ABCC3: variants seen among roughly 807,000 people sequenced by gnomAD.
ABCC3 encodes ATP binding cassette subfamily C member 3, also known as ATP-binding cassette sub-family C member 3.
In ABCC3, 121 loss-of-function variants were observed where a neutral mutation model predicts 165.3. The observed-to-expected ratio is 0.73, with a 90% CI of 0.63 to 0.85. ABCC3 has a LOEUF of 0.85. ABCC3 is among the 40% of genes least tolerant of loss of function. ABCC3 has a pLI of 0.00. For synonymous variants in ABCC3, 733 were observed against 810.1 expected (o/e 0.90, Z 1.62); for missense variants, 1,869 against 1,964.1 (o/e 0.95, Z 0.92).
intron 17 of ABCC3, among the ~76,000 whole-genome samples, chr17:50,672,541 C>T (rs1433278763): frequency 6.6e-6 from 1 of 152,122 alleles, no homozygotes; most frequent in Non-Finnish European, 1.5e-5. Flanking sequence ...ACAGACTAGG[C>T]CCCATGTGAA....
In ABCC3 at chr17:50,658,160, T is replaced by C. The variant is rs1967297104; in HGVS notation, c.565T>C (p.Cys189Arg). The C allele has an allele frequency of 6.2e-7, 1 of 1,614,198 alleles. No individual in the cohort carries two copies. Among genetic ancestry groups the C allele is most frequent in the South Asian group, 1.1e-5 (1 of 91,086 alleles). The change falls in exon 5 of 31, where the codon TGC (cysteine) becomes CGC (arginine). Residue 189 changes from cysteine (C) to arginine (R), a missense_variant. Cys to Arg is a radical substitution (Grantham distance 180, BLOSUM62 -3). Coordinates refer to ENST00000285238, the MANE Select transcript of ABCC3 (RefSeq NM_003786.4). Reference protein sequence around the residue: ...ALVLSALILACFREKPPFFSA... With the variant: ...ALVLSALILARFREKPPFFSA... ...GGTACTCTCTGCCCTCATCTTGGCC[T>C]GCTTCAGGGAGAAACCTCCATTTTT...
intron 1 of ABCC3, among the ~76,000 whole-genome samples, chr17:50,648,041 A>AG (rs1194110656): frequency 6.6e-6 from 1 of 151,322 alleles, no homozygotes; most frequent in Non-Finnish European, 1.5e-5. Flanking sequence ...TCTGCCCAAA[A>AG]GAAAAAAAAA....
At position 50,675,377 on chromosome 17, in the gene ABCC3, A is replaced by T. The variant is rs750456363; in HGVS notation, c.2615A>T (p.Glu872Val). The stretch of plus-strand genomic sequence containing the variant: ...CCTACTGCAGCGTTGGAAGGTGCAG[A>T]GGATAAGGAGGCACTGCTGATTGAA... ...EDSWTALEGAEDKEALLIEDT... is the reference protein window; with the variant it reads ...EDSWTALEGAVDKEALLIEDT... The change falls in exon 20 of 31, where the codon GAG (glutamate) becomes GTG (valine). Residue 872 changes from glutamate (E) to valine (V), a missense_variant. By Grantham distance (121) the Glu-to-Val change is moderately radical. Coordinates refer to ENST00000285238, the MANE Select transcript of ABCC3 (RefSeq NM_003786.4). The T allele has an allele frequency of 5.0e-6, 8 of 1,613,080 alleles. No homozygotes were observed. The highest frequency in any genetic ancestry group is 6.8e-6 in the Non-Finnish European group (8 of 1,179,422).
intron 26 of ABCC3, among the ~76,000 whole-genome samples, chr17:50,680,624 T>C (rs1468276350): frequency 6.6e-6 from 1 of 151,726 alleles, no homozygotes; most frequent in Non-Finnish European, 1.5e-5. Flanking sequence ...TGCCTTCACC[T>C]CCCTCCCCGG....
At chr17:50,680,475 T>C (rs907130737) in intron 26 of ABCC3, among the ~76,000 whole-genome samples, 10 of 152,128 alleles carry the variant, frequency 6.6e-5, no homozygotes, top group African/African-American at 2.2e-4. Context: ...GCAGCATCAG[T>C]GTCAAGCATC....
intron 30 of ABCC3, among the ~76,000 whole-genome samples, chr17:50,688,162 G>A (rs1968057962): frequency 6.6e-6 from 1 of 151,862 alleles, no homozygotes; most frequent in Non-Finnish European, 1.5e-5. Context: ...CACCTGTCTC[G>A]GCCTCCCAAA....
At chr17:50,644,358 G>A (rs1167490347) in intron 1 of ABCC3, among the ~76,000 whole-genome samples, 1 of 150,972 alleles carries the variant, frequency 6.6e-6, no homozygotes, top group Non-Finnish European at 1.5e-5. Context: ...AGGCTGGGGA[G>A]GTTGGGGAAA....
chr17:50,689,973 G>A (rs1197394978), intron 30 of ABCC3, among the ~76,000 whole-genome samples: 1 of 151,988 alleles, frequency 6.6e-6, no homozygotes, highest in African/African-American at 2.4e-5. Context: ...TAGGAAGGAC[G>A]CAAAGGCCTG....
At chr17:50,676,146 C>G in intron 22 of ABCC3, 56 bp downstream of exon 22, 2 of 1,601,972 alleles carry the variant, frequency 1.2e-6, no homozygotes, top group South Asian at 2.2e-5. Context: ...CTCTGGGCTG[C>G]CAGGCCCCCC....
Position 50,684,025 on chromosome 17 carries a change from A to G in ABCC3, c.4031A>G (p.Lys1344Arg), listed in dbSNP as rs1567839162. 3 of 1,612,910 alleles carry G rather than the reference A, an allele frequency of 1.9e-6. No homozygotes were observed. The highest frequency in any genetic ancestry group is 1.3e-5 in the African/African-American group (1 of 74,900). ...LCLFRILEAA[K>R]GEIRIDGLNV... ...CTGTTCCGCATCCTGGAGGCGGCAA[A>G]GGGTGAAATCCGCATTGATGGCCTC... The change falls in exon 28 of 31, where the codon AAG (lysine) becomes AGG (arginine). Residue 1344 changes from lysine (K) to arginine (R), a missense_variant. By Grantham distance (26) the Lys-to-Arg change is conservative. Coordinates refer to ENST00000285238, the MANE Select transcript of ABCC3 (RefSeq NM_003786.4).
chr17:50,655,452 G>A (rs1444480846), intron 1 of ABCC3, among the ~76,000 whole-genome samples: 2 of 142,614 alleles, frequency 1.4e-5, no homozygotes, highest in Admixed American at 7.1e-5. Flanking sequence ...TGGGAATCCA[G>A]AATGATAGAA....
chr17:50,682,839 G>C (rs935808049), intron 26 of ABCC3, among the ~76,000 whole-genome samples: 2 of 152,146 alleles, frequency 1.3e-5, no homozygotes, highest in African/African-American at 4.8e-5. Context: ...GCACTGGGCT[G>C]CCACCCAGTA....
In ABCC3 at chr17:50,667,860, C is replaced by G; in HGVS notation, c.1636-3C>G. ...ACCCTGACACCACCTCCACGCTGCT[C>G]AGGTGACCCTGATCACCCTCTGGGT... On this transcript the variant is annotated splice_region_variant and splice_polypyrimidine_tract_variant and intron_variant, in intron 12 of 30. Transcript: ENST00000285238. 1 of 1,613,948 alleles carries G rather than the reference C, an allele frequency of 6.2e-7. No individual in the cohort carries two copies. Among genetic ancestry groups the G allele is most frequent in the Non-Finnish European group, 8.5e-7 (1 of 1,179,892 alleles).
chr17:50,686,156 T>G (rs1558287), intron 29 of ABCC3, among the ~76,000 whole-genome samples: 43,322 of 152,130 alleles, frequency 0.28, 6,360 homozygotes, highest in African/African-American at 0.33. Context: ...ATCTCACCAC[T>G]GCACTCTAGC....
chr17:50,660,585 G>A (rs760906874), intron 7 of ABCC3, among the ~76,000 whole-genome samples: 2 of 152,060 alleles, frequency 1.3e-5, no homozygotes, highest in South Asian at 2.1e-4. Context: ...TCAGCTGCCC[G>A]GTGGCTGTAC....
chr17:50,649,000 T>A lies in ABCC3; in HGVS notation c.46-6832T>A, dbSNP rs559233388. Among the ~76,000 whole-genome samples the A allele has an allele frequency of 7.8e-4, 119 of 151,824 alleles. 2 individuals carry two copies. In the South Asian group the frequency reaches 0.023, roughly 30 times the overall value. ...TGTGACACGTGCCTGTAATCCCAGC[T>A]ACTCGGGAGGCTGAGGCAGGAGAAT... On this transcript the variant is annotated intron_variant, in intron 1 of 30. Transcript: ENST00000285238.
Position 50,674,961 on chromosome 17 carries a change from G to A in ABCC3, c.2600-401G>A, listed in dbSNP as rs149956935. Among the ~76,000 whole-genome samples the A allele has an allele frequency of 3.2e-3, 489 of 151,910 alleles. 1 individual carries two copies. Among genetic ancestry groups the A allele is most frequent in the African/African-American group, 0.011 (461 of 41,392 alleles). ...ATTATAGGTGCCCGCCACCACGCCC[G>A]GCTAATTTTTGTATTTTTAGTAGAG... On this transcript the variant is annotated intron_variant, in intron 19 of 30. Transcript: ENST00000285238.
chr17:50,654,876 A>ACGG (rs1323150427), intron 1 of ABCC3, among the ~76,000 whole-genome samples: 1 of 149,270 alleles, frequency 6.7e-6, no homozygotes, highest in African/African-American at 2.5e-5. Flanking sequence ...GCAGGTCGTA[A>ACGG]GGTCAAGAGA....
intron 19 of ABCC3, 149 bp from the exon 20 acceptor site, chr17:50,675,213 A>G: frequency 3.6e-6 from 2 of 549,848 alleles, no homozygotes; most frequent in Non-Finnish European, 3.2e-6. Context: ...TGCTTAACCC[A>G]AGTCTTTCTT....
Sources: gnomAD v4.1 joint callset for allele counts (sites outside exome capture counted in the v4.1 genomes callset) on GRCh38, gnomAD v4.1.1 for gene constraint, MANE v1.5 for transcripts, NCBI Gene and HGNC (gene_info 2026-07-23, HGNC 2026-07-21) for gene names.